Variants in APP observed in about 807,000 individuals in gnomAD.
The protein encoded by APP is amyloid-beta precursor protein.
Under a neutral mutation model 101.4 loss-of-function variants are expected in APP, and 31 were observed. The observed-to-expected ratio is 0.31, with a 90% CI of 0.23 to 0.41. The LOEUF is 0.41. Ranked by LOEUF, APP falls within the 10% of genes least tolerant of loss-of-function variation. APP has a pLI of 1.00. For missense variants in APP, 839 were observed against 1,003.7 expected (o/e 0.84, Z 2.22); for synonymous variants, 366 against 364.4 (o/e 1.00, Z -0.05).
At chr21:25,904,580 C>G (rs1224457359) in intron 15 of APP, among the ~76,000 whole-genome samples, 1 of 152,066 alleles carries the variant, frequency 6.6e-6, no homozygotes, top group Non-Finnish European at 1.5e-5. Context: ...GAAGTTTGAG[C>G]CCAGTTCAGT....
intron 1 of APP, among the ~76,000 whole-genome samples, chr21:26,114,201 T>C (rs1046181519): frequency 6.6e-6 from 1 of 152,206 alleles, no homozygotes; most frequent in African/African-American, 2.4e-5. Flanking sequence ...TTACAATGTC[T>C]AAGGAAAGCG....
At chr21:25,885,535 G>GA (rs2037266166) in intron 17 of APP, among the ~76,000 whole-genome samples, 1 of 152,120 alleles carries the variant, frequency 6.6e-6, no homozygotes, top group Admixed American at 6.5e-5. Flanking sequence ...TACAACCACT[G>GA]AATATTCATT....
chr21:26,123,907 T>G (rs1045339228), intron 1 of APP, among the ~76,000 whole-genome samples: 2 of 152,066 alleles, frequency 1.3e-5, no homozygotes, highest in African/African-American at 4.8e-5. Flanking sequence ...CCTATAAGTA[T>G]TCATCTAAGT....
intron 6 of APP, among the ~76,000 whole-genome samples, chr21:26,006,448 G>A (rs182573775): frequency 1.2e-4 from 18 of 152,214 alleles, no homozygotes; most frequent in Non-Finnish European, 1.6e-4. Context: ...AAAACTCCAC[G>A]CATTTTATCT....
At chr21:26,084,466 C>T (rs2061664162) in intron 3 of APP, among the ~76,000 whole-genome samples, 1 of 152,138 alleles carries the variant, frequency 6.6e-6, no homozygotes, top group East Asian at 1.9e-4. Flanking sequence ...GTCTCAATCT[C>T]CTGACCTTGC....
At chr21:25,914,550 T>C (rs914894168) in intron 13 of APP, among the ~76,000 whole-genome samples, 1 of 91,856 alleles carries the variant, frequency 1.1e-5, no homozygotes, top group Non-Finnish European at 1.8e-5. Flanking sequence ...ACAAGGCGCC[T>C]TTTTTTTTTT....
chr21:25,969,305 G>A (rs1400903428), intron 11 of APP, among the ~76,000 whole-genome samples: 3 of 128,006 alleles, frequency 2.3e-5, no homozygotes, highest in East Asian at 4.6e-4. Context: ...CCAAGATCAC[G>A]CCACTGCACT....
chr21:26,150,382 A>G (rs1245548220), intron 1 of APP, among the ~76,000 whole-genome samples: 2 of 152,044 alleles, frequency 1.3e-5, no homozygotes, highest in African/African-American at 2.4e-5. Flanking sequence ...ACACAGCAAA[A>G]TTTTTATAAA....
At chr21:26,056,414 T>C (rs1461862162) in intron 3 of APP, among the ~76,000 whole-genome samples, 2 of 152,182 alleles carry the variant, frequency 1.3e-5, no homozygotes, top group East Asian at 3.9e-4. Context: ...TTGCCTTGGA[T>C]ATTAGGAGTT....
At chr21:26,119,664 T>TGTA (rs2062519506) in intron 1 of APP, among the ~76,000 whole-genome samples, 1 of 150,888 alleles carries the variant, frequency 6.6e-6, no homozygotes, top group South Asian at 2.2e-4. Flanking sequence ...TTGTATGGTA[T>TGTA]GTAGTGGGAG....
At chr21:25,942,502 A>G (rs1410230621) in intron 13 of APP, 1 of 152,208 alleles carries the variant, frequency 6.6e-6, no homozygotes, top group South Asian at 2.1e-4. Context: ...ATGCTACGAG[A>G]CGCAGCAAGC....
At chr21:25,896,461 G>A (rs2038055670) in intron 16 of APP, among the ~76,000 whole-genome samples, 1 of 152,044 alleles carries the variant, frequency 6.6e-6, no homozygotes, top group Non-Finnish European at 1.5e-5. Flanking sequence ...AAGTGCCTGA[G>A]ATAACTTTAA....
chr21:26,027,184 A>G (rs1284319040), intron 5 of APP, among the ~76,000 whole-genome samples: 1 of 152,198 alleles, frequency 6.6e-6, no homozygotes, highest in African/African-American at 2.4e-5. Flanking sequence ...AAGAGGGAAG[A>G]CAACCAATGT....
At chr21:26,146,229 G>A (rs1194526107) in intron 1 of APP, among the ~76,000 whole-genome samples, 2 of 152,150 alleles carry the variant, frequency 1.3e-5, no homozygotes, top group African/African-American at 2.4e-5. Context: ...CCAGGTACTC[G>A]GGAGGCTGAG....
intron 1 of APP, among the ~76,000 whole-genome samples, chr21:26,143,746 T>C (rs1342307554): frequency 1.3e-5 from 2 of 152,144 alleles, no homozygotes; most frequent in Non-Finnish European, 2.9e-5. Flanking sequence ...CTTCTACTCT[T>C]GTTTCCATGA....
chr21:25,938,388 A>G (rs1461631660), intron 13 of APP, among the ~76,000 whole-genome samples: 1 of 152,104 alleles, frequency 6.6e-6, no homozygotes, highest in Non-Finnish European at 1.5e-5. Context: ...GAATGTATTT[A>G]GAGTTGTCTC....
chr21:26,023,899 C>T (rs2044456556), intron 5 of APP, among the ~76,000 whole-genome samples: 1 of 152,086 alleles, frequency 6.6e-6, no homozygotes, highest in Non-Finnish European at 1.5e-5. Flanking sequence ...CAAGAGATAA[C>T]CAGTAACTCA....
At chr21:26,142,119 A>G (rs1427512222) in intron 1 of APP, among the ~76,000 whole-genome samples, 1 of 152,220 alleles carries the variant, frequency 6.6e-6, no homozygotes, top group Non-Finnish European at 1.5e-5. Context: ...GAGTATTTGC[A>G]CCATTTAAGG....
At chr21:26,132,116 G>A (rs931903102) in intron 1 of APP, among the ~76,000 whole-genome samples, 23 of 152,086 alleles carry the variant, frequency 1.5e-4, no homozygotes, top group Non-Finnish European at 2.4e-4. Flanking sequence ...CTTTGGCATG[G>A]TGAGACATTA....
Sources: allele counts gnomAD v4.1 joint callset (sites outside exome capture counted in the v4.1 genomes callset), GRCh38; gene constraint gnomAD v4.1.1; transcripts MANE v1.5; gene names NCBI Gene and HGNC (gene_info 2026-07-23, HGNC 2026-07-21).